CHN2: variants seen among roughly 807,000 people sequenced by gnomAD.
The protein encoded by CHN2 is chimerin 2, also known as beta-chimaerin.
CHN2 carries 35 observed loss-of-function variants against 56.3 expected under a neutral mutation model. That is an observed-to-expected ratio of 0.62 (90% CI 0.47 to 0.82). CHN2 has a LOEUF of 0.82. Among genes scored for constraint, CHN2 ranks in the 40% least tolerant of loss-of-function variants. CHN2 has a pLI of 0.00. For missense variants in CHN2, 491 were observed against 580.5 expected, an observed-to-expected ratio of 0.85 and a Z score of 1.58; for synonymous variants, 210 against 212.8, an observed-to-expected ratio of 0.99 and a Z score of 0.12.
intron 6 of CHN2, among the ~76,000 whole-genome samples, chr7:29,434,244 C>A (rs552039743): frequency 6.6e-6 from 1 of 152,156 alleles, no homozygotes; most frequent in East Asian, 1.9e-4. Flanking sequence ...GATTATAACT[C>A]GTCTGCATCC....
chr7:29,302,273 T>TTCCTCC (rs34157871), intron 1 of CHN2, among the ~76,000 whole-genome samples: 2 of 151,192 alleles, frequency 1.3e-5, no homozygotes, highest in African/African-American at 2.4e-5. Flanking sequence ...CTCCCTCTTC[T>TTCCTCC]TCCTCCTCTT....
At chr7:29,409,541 A>C (rs1802998050) in intron 6 of CHN2, among the ~76,000 whole-genome samples, 1 of 152,180 alleles carries the variant, frequency 6.6e-6, no homozygotes, top group Non-Finnish European at 1.5e-5. Context: ...TCCTGTATTC[A>C]ACCTGGGATA....
intron 1 of CHN2, among the ~76,000 whole-genome samples, chr7:29,202,559 A>G (rs1784239919): frequency 6.6e-6 from 1 of 152,226 alleles, no homozygotes; most frequent in Non-Finnish European, 1.5e-5. Context: ...CAGAAACTAT[A>G]ATAACCAAAA....
chr7:29,387,380 T>C (rs1033567494), intron 3 of CHN2, among the ~76,000 whole-genome samples: 4 of 152,252 alleles, frequency 2.6e-5, no homozygotes, highest in African/African-American at 9.6e-5. Context: ...AGGGTCCACA[T>C]GCATATTCTG....
At chr7:29,324,395 A>G (rs1795635192) in intron 1 of CHN2, among the ~76,000 whole-genome samples, 1 of 152,136 alleles carries the variant, frequency 6.6e-6, no homozygotes, top group African/African-American at 2.4e-5. Flanking sequence ...CATAGCCTAA[A>G]TGTCTCTCAA....
At chr7:29,476,562 A>T (rs1272980856) in intron 6 of CHN2, among the ~76,000 whole-genome samples, 2 of 6,296 alleles carry the variant, frequency 3.2e-4, no homozygotes, top group Non-Finnish European at 5.4e-4. Context: ...AATAAAAATT[A>T]AAAAAAAAAA....
rs78526098 is a variant in CHN2 at position 29,336,702 on chromosome 7, A to G, written c.50-17923A>G. On this transcript the variant is annotated intron_variant, in intron 1 of 12. Transcript: ENST00000222792. ...TATAGCCCAGGAGTCTGAGTTTACAATGAACCATGATTGTGCCACTGTACT... is the reference window on the plus strand; with the variant it reads ...TATAGCCCAGGAGTCTGAGTTTACAGTGAACCATGATTGTGCCACTGTACT... 7.0e-3 allele frequency among the ~76,000 whole-genome samples: 996 copies of G among 142,804 alleles called. 11 individuals carry two copies. Among genetic ancestry groups the G allele is most frequent in the African/African-American group, 0.025 (944 of 38,088 alleles). The allele number at this position is 142,804 out of a possible 152,430, so 93.7% of individuals were successfully genotyped here.
chr7:29,155,753 G>A (rs1321538794), intron 2 of CHN2, among the ~76,000 whole-genome samples: 1 of 152,190 alleles, frequency 6.6e-6, no homozygotes, highest in Non-Finnish European at 1.5e-5. Context: ...GAGCCAGGAG[G>A]GTAGGCTGGC....
At chr7:29,289,241 C>T (rs1464146075) in intron 1 of CHN2, 1 of 152,208 alleles carries the variant, frequency 6.6e-6, no homozygotes, top group South Asian at 2.1e-4. Flanking sequence ...CACATAGCAT[C>T]TGTCCCTGAC....
At chr7:29,258,998 G>C (rs1789312815) in intron 1 of CHN2, among the ~76,000 whole-genome samples, 1 of 148,526 alleles carries the variant, frequency 6.7e-6, no homozygotes, top group Non-Finnish European at 1.5e-5. Context: ...CTGTGGTGTA[G>C]CACATAGTGG....
At position 29,472,272 on chromosome 7, in the gene CHN2, TACAC is replaced by T. The variant is rs113034467; in HGVS notation, c.577-7984_577-7981del. 8.5e-3 allele frequency among the ~76,000 whole-genome samples: 958 copies of T among 112,310 alleles called. 6 individuals are homozygous for T. The highest frequency in any genetic ancestry group is 0.024 in the African/African-American group (904 of 38,314). The allele number at this position is 112,310 out of a possible 152,430, so 73.7% of individuals were successfully genotyped here. A position where few individuals can be genotyped will look rare whatever the true frequency, so the allele number is the denominator to read the frequency against. On this transcript the variant is annotated intron_variant, in intron 6 of 12. Coordinates refer to ENST00000222792, the MANE Select transcript of CHN2 (RefSeq NM_004067.4). Reference sequence around the variant, plus strand: ...CCCATAGAAGCTTTTCAAAACAAAATACACACACACACACACACACACACACGCA... The same window carrying T: ...CCCATAGAAGCTTTTCAAAACAAAATACACACACACACACACACACACGCA...
intron 11 of CHN2, among the ~76,000 whole-genome samples, chr7:29,508,900 C>G (rs1377129118): frequency 6.6e-6 from 1 of 152,058 alleles, no homozygotes; most frequent in Non-Finnish European, 1.5e-5. Context: ...ACTCATTAGA[C>G]AACTGCAAGG....
intron 7 of CHN2, among the ~76,000 whole-genome samples, chr7:29,483,431 GCA>G (rs1172000288): frequency 9.2e-5 from 14 of 152,146 alleles, no homozygotes; most frequent in Non-Finnish European, 8.8e-5. Context: ...AGGACAGTTG[GCA>G]CCTCATCGCA....
chr7:29,463,786 C>T (rs999451859), intron 6 of CHN2, among the ~76,000 whole-genome samples: 4 of 152,114 alleles, frequency 2.6e-5, no homozygotes, highest in Non-Finnish European at 5.9e-5. Flanking sequence ...CTCTGAGGGG[C>T]CCACAAGAAC....
At chr7:29,408,197 A>AT (rs887315897) in intron 6 of CHN2, among the ~76,000 whole-genome samples, 7 of 151,628 alleles carry the variant, frequency 4.6e-5, no homozygotes, top group Admixed American at 1.3e-4. Flanking sequence ...ATCAAAAAAA[A>AT]AAAATAAATT....
Position 29,400,600 on chromosome 7 carries a change from T to A in CHN2, c.348T>A (p.Gly116=). 6.2e-7 allele frequency: 1 copy of A among 1,614,102 alleles called. No homozygotes were observed. Among genetic ancestry groups the A allele is most frequent in the South Asian group, 1.1e-5 (1 of 91,080 alleles). ...TCCACGACGGGAAACACTTTGTGGG[T>A]GAGAAGAGGTTTGAGTCGATTCATG... ...RLFHDGKHFV[G]EKRFESIHDL... Residue 116 remains glycine (G), a synonymous_variant, in exon 6 of 13, where the codon GGT becomes GGA. Transcript: ENST00000222792.
intron 6 of CHN2, among the ~76,000 whole-genome samples, chr7:29,452,531 T>C (rs1267845218): frequency 6.6e-6 from 1 of 152,244 alleles, no homozygotes; most frequent in Admixed American, 6.5e-5. Flanking sequence ...CCTTTGCCTC[T>C]GCGTGCCTCT....
intron 2 of CHN2, among the ~76,000 whole-genome samples, chr7:29,153,058 C>T (rs1462007922): frequency 3.9e-5 from 6 of 152,356 alleles, no homozygotes; most frequent in Admixed American, 3.3e-4. Flanking sequence ...TAGCACTCTA[C>T]ACCACCATGT....
At chr7:29,445,120 A>T (rs1783938891) in intron 6 of CHN2, 1 of 455,826 alleles carries the variant, frequency 2.2e-6, no homozygotes, top group Non-Finnish European at 4.4e-6. Context: ...TTTCTTCTGG[A>T]ACAGAAAGTT....
Sources: allele counts gnomAD v4.1 joint callset (sites outside exome capture counted in the v4.1 genomes callset), GRCh38; gene constraint gnomAD v4.1.1; transcripts MANE v1.5; gene names NCBI Gene and HGNC (gene_info 2026-07-23, HGNC 2026-07-21).